RALGAPA2: variants seen among roughly 807,000 people sequenced by gnomAD.
The protein encoded by RALGAPA2 is ral GTPase-activating protein subunit alpha-2.
A neutral mutation model predicts 230.4 loss-of-function variants in RALGAPA2; 139 were observed. The observed-to-expected ratio is 0.60, with a 90% CI of 0.53 to 0.69. The LOEUF is 0.69. RALGAPA2 is among the 30% of genes least tolerant of loss of function. RALGAPA2 has a pLI of 0.00. For synonymous variants in RALGAPA2, 847 were observed against 837.8 expected (o/e 1.01, Z -0.19); for missense variants, 2,163 against 2,276.0 (o/e 0.95, Z 1.01).
intron 23 of RALGAPA2, among the ~76,000 whole-genome samples, chr20:20,570,308 T>C (rs939150729): frequency 1.3e-5 from 2 of 152,168 alleles, no homozygotes; most frequent in Non-Finnish European, 2.9e-5. Flanking sequence ...CTGCAAACTA[T>C]TTAAATTCAA....
At chr20:20,424,973 G>A (rs114895948) in intron 37 of RALGAPA2, among the ~76,000 whole-genome samples, 1,847 of 152,206 alleles carry the variant, frequency 0.012, 42 homozygotes, top group African/African-American at 0.042. Flanking sequence ...ATACGTTACA[G>A]GTACTATTTA....
intron 3 of RALGAPA2, among the ~76,000 whole-genome samples, chr20:20,661,167 A>T (rs187206114): frequency 1.9e-3 from 292 of 151,380 alleles, no homozygotes; most frequent in Non-Finnish European, 3.6e-3. Flanking sequence ...TGCTTTATTT[A>T]TTTTTTTTTG....
chr20:20,450,018 C>G (rs2060952615), intron 37 of RALGAPA2, among the ~76,000 whole-genome samples: 1 of 152,170 alleles, frequency 6.6e-6, no homozygotes, highest in Non-Finnish European at 1.5e-5. Flanking sequence ...TTTTCATCCT[C>G]GCTTCCTGGG....
At chr20:20,652,199 T>C (rs1305847078) in intron 4 of RALGAPA2, among the ~76,000 whole-genome samples, 2 of 152,186 alleles carry the variant, frequency 1.3e-5, no homozygotes, top group African/African-American at 4.8e-5. Flanking sequence ...AAATGAAATT[T>C]AGGATTTAGA....
chr20:20,639,086 C>A (rs1234606906), intron 7 of RALGAPA2, among the ~76,000 whole-genome samples: 3 of 152,134 alleles, frequency 2.0e-5, no homozygotes, highest in African/African-American at 7.2e-5. Flanking sequence ...TTGGGGCTTG[C>A]CACTTTAGCA....
chr20:20,503,215 C>A, intron 35 of RALGAPA2, 136 bp downstream of exon 35: 1 of 871,610 alleles, frequency 1.1e-6, no homozygotes, highest in East Asian at 3.2e-5. Context: ...CCTTCTTTCC[C>A]CAAACCTTAA....
intron 36 of RALGAPA2, among the ~76,000 whole-genome samples, chr20:20,477,635 G>C (rs751303591): frequency 9.2e-5 from 14 of 152,060 alleles, no homozygotes; most frequent in Non-Finnish European, 1.9e-4. Context: ...GCTTAGGCTA[G>C]AGTGCAGTGG....
intron 37 of RALGAPA2, among the ~76,000 whole-genome samples, chr20:20,434,706 C>A (rs1362898174): frequency 6.6e-6 from 1 of 152,072 alleles, no homozygotes; most frequent in Non-Finnish European, 1.5e-5. Flanking sequence ...GAAGCTGATG[C>A]AGGAGTATAT....
intron 4 of RALGAPA2, among the ~76,000 whole-genome samples, chr20:20,644,155 C>G: frequency 6.6e-6 from 1 of 152,108 alleles, no homozygotes; most frequent in East Asian, 1.9e-4. Context: ...TATTCATGAC[C>G]TCAGTATGGA....
chr20:20,630,038 A>G (rs1018101881), intron 9 of RALGAPA2, among the ~76,000 whole-genome samples: 1 of 152,254 alleles, frequency 6.6e-6, no homozygotes, highest in Non-Finnish European at 1.5e-5. Context: ...TCATATGACT[A>G]AGCGGCAGCT....
chr20:20,524,472 G>T lies in RALGAPA2; in HGVS notation c.3834C>A (p.Pro1278=), dbSNP rs184808613. The T allele has an allele frequency of 6.2e-7, 1 of 1,613,872 alleles. No individual in the cohort carries two copies. The highest frequency in any genetic ancestry group is 8.5e-7 in the Non-Finnish European group (1 of 1,179,828). Residue 1278 remains proline (P), a synonymous_variant, in exon 30 of 40, where the codon CCC becomes CCA. Coordinates refer to ENST00000202677, the MANE Select transcript of RALGAPA2 (RefSeq NM_020343.4). ...MALPVSVLLH[P]VSTAVLEEQH... Reference sequence around the variant, plus strand: ...GCTCCTCTAGGACTGCTGTGGACACGGGGTGGAGAAGGACACTCACGGGCA... The same window carrying T: ...GCTCCTCTAGGACTGCTGTGGACACTGGGTGGAGAAGGACACTCACGGGCA...
At chr20:20,528,138 C>T (rs985119038) in intron 27 of RALGAPA2, among the ~76,000 whole-genome samples, 4 of 152,042 alleles carry the variant, frequency 2.6e-5, no homozygotes, top group East Asian at 3.9e-4. Flanking sequence ...TAGGAAAGGT[C>T]GGTCGGATAC....
intron 27 of RALGAPA2, 101 bp downstream of exon 27, chr20:20,531,586 T>C: frequency 9.9e-7 from 1 of 1,007,966 alleles, no homozygotes; most frequent in Non-Finnish European, 1.5e-6. Context: ...ACAATCCCTC[T>C]GTCATTTGGG....
intron 1 of RALGAPA2, among the ~76,000 whole-genome samples, chr20:20,703,289 C>T (rs937036061): frequency 3.3e-5 from 5 of 152,060 alleles, no homozygotes; most frequent in Non-Finnish European, 7.4e-5. Context: ...AAGGCTAAAA[C>T]CCTGAATTGA....
Position 20,546,775 on chromosome 20 carries a change from GA to G in RALGAPA2, c.3213del (p.Pro1072LeufsTer23). On this transcript the variant is annotated frameshift_variant, in exon 24 of 40. Transcript: ENST00000202677. LOFTEE classifies it high-confidence loss of function. ...HCPPRFFSLG[F>X]PGFSMLVGDF... ...TCCCCCACCAGCATTGAGAAGCCAG[GA>G]AAACCCAGGGAGAAAAAGCGGGGTG... is the stretch of plus-strand genomic sequence containing the variant. 6.2e-7 allele frequency: 1 copy of G among 1,611,648 alleles called. No homozygotes were observed. Among genetic ancestry groups the G allele is most frequent in the Non-Finnish European group, 8.5e-7 (1 of 1,179,130 alleles).
chr20:20,641,837 G>A (rs2067039950), intron 5 of RALGAPA2, among the ~76,000 whole-genome samples: 1 of 151,866 alleles, frequency 6.6e-6, no homozygotes, highest in African/African-American at 2.4e-5. Flanking sequence ...AGCTTTGCCA[G>A]AAAACCAAAC....
chr20:20,551,523 G>C (rs1220916535), intron 23 of RALGAPA2, among the ~76,000 whole-genome samples: 1 of 152,176 alleles, frequency 6.6e-6, no homozygotes, highest in African/African-American at 2.4e-5. Context: ...AAAAGATTCT[G>C]GTTATGAGAA....
chr20:20,411,299 T>C (rs1239511055), intron 38 of RALGAPA2, among the ~76,000 whole-genome samples: 1 of 152,212 alleles, frequency 6.6e-6, no homozygotes, highest in East Asian at 1.9e-4. Context: ...ATTCTATTAT[T>C]TGAAAGAAAC....
intron 38 of RALGAPA2, among the ~76,000 whole-genome samples, chr20:20,405,845 A>G (rs2059933910): frequency 6.6e-6 from 1 of 152,192 alleles, no homozygotes; most frequent in Non-Finnish European, 1.5e-5. Flanking sequence ...TTTGCTCTGC[A>G]TCTTGCATCA....
Sources: gnomAD v4.1 joint callset for allele counts (sites outside exome capture counted in the v4.1 genomes callset) on GRCh38, gnomAD v4.1.1 for gene constraint, MANE v1.5 for transcripts, NCBI Gene and HGNC (gene_info 2026-07-23, HGNC 2026-07-21) for gene names.